PTPRM: variants seen among roughly 807,000 people sequenced by gnomAD.
PTPRM encodes the protein protein tyrosine phosphatase receptor type M.
PTPRM carries 47 observed loss-of-function variants against 186.7 expected under a neutral mutation model. That is an observed-to-expected ratio of 0.25 (90% CI 0.20 to 0.32). The LOEUF is 0.32. Ranked by LOEUF, PTPRM falls within the 10% of genes least tolerant of loss-of-function variation. The pLI, the probability that PTPRM is intolerant of heterozygous loss-of-function variation, is 1.00. For missense variants in PTPRM, 1,494 were observed against 1,865.0 expected, an observed-to-expected ratio of 0.80 and a Z score of 3.66; for synonymous variants, 668 against 674.9, an observed-to-expected ratio of 0.99 and a Z score of 0.16.
At chr18:8,183,529 TG>T (rs1206620374) in intron 14 of PTPRM, among the ~76,000 whole-genome samples, 1 of 152,226 alleles carries the variant, frequency 6.6e-6, no homozygotes, top group Admixed American at 6.5e-5. Flanking sequence ...CTCCTTTCTT[TG>T]CCCTTCTCCT....
chr18:8,081,838 T>C (rs1164422512), intron 9 of PTPRM, among the ~76,000 whole-genome samples: 1 of 152,128 alleles, frequency 6.6e-6, no homozygotes, highest in Non-Finnish European at 1.5e-5. Context: ...GATCTGTAAT[T>C]TTTAGGAGTG....
At chr18:8,055,688 T>C (rs1283419451) in intron 7 of PTPRM, among the ~76,000 whole-genome samples, 3 of 152,222 alleles carry the variant, frequency 2.0e-5, no homozygotes, top group Non-Finnish European at 2.9e-5. Flanking sequence ...TTTGTTAATC[T>C]TTACTAGTGA....
chr18:8,095,581 C>T (rs1002729600), intron 11 of PTPRM, among the ~76,000 whole-genome samples: 3 of 152,058 alleles, frequency 2.0e-5, no homozygotes, highest in African/African-American at 7.2e-5. Context: ...GGAAGAGCTG[C>T]AGCAGCAATG....
At chr18:7,613,527 G>A (rs1171900754) in intron 1 of PTPRM, among the ~76,000 whole-genome samples, 5 of 152,144 alleles carry the variant, frequency 3.3e-5, no homozygotes, top group African/African-American at 1.2e-4. Context: ...ACAAAAATTA[G>A]CCAGGCATGG....
chr18:8,100,678 A>G (rs2091254012), intron 11 of PTPRM, among the ~76,000 whole-genome samples: 1 of 152,212 alleles, frequency 6.6e-6, no homozygotes, highest in Non-Finnish European at 1.5e-5. Flanking sequence ...CTTCATTTGT[A>G]AAATTCGCAT....
At chr18:8,179,152 A>T (rs192493866) in intron 14 of PTPRM, among the ~76,000 whole-genome samples, 1 of 152,370 alleles carries the variant, frequency 6.6e-6, no homozygotes, top group Admixed American at 6.5e-5. Flanking sequence ...CAGTTTCTCC[A>T]ATTGTGTCCT....
chr18:8,375,445 A>G (rs1011908894), intron 24 of PTPRM, among the ~76,000 whole-genome samples: 2 of 151,982 alleles, frequency 1.3e-5, no homozygotes, highest in Non-Finnish European at 2.9e-5. Context: ...CCCACATTAA[A>G]AAGAGAAACC....
At position 8,285,050 on chromosome 18, in the gene PTPRM, G is replaced by C. The variant is rs1023070817; in HGVS notation, c.2755-11318G>C. Among the ~76,000 whole-genome samples the C allele has an allele frequency of 1.2e-4, 19 of 152,102 alleles. 1 individual carries two copies. The highest frequency in any genetic ancestry group is 1.2e-3 in the Admixed American group (19 of 15,258). The stretch of plus-strand genomic sequence containing the variant: ...CTTCCCTTGTGGAGTTTATAGTCTG[G>C]GGAGGACAGAGATGTTTGTGACTCT... On this transcript the variant is annotated intron_variant, in intron 19 of 32. Transcript: ENST00000580170.
intron 1 of PTPRM, among the ~76,000 whole-genome samples, chr18:7,613,950 C>A (rs1009152695): frequency 6.6e-6 from 1 of 152,132 alleles, no homozygotes; most frequent in Non-Finnish European, 1.5e-5. Flanking sequence ...TATAGTCTTA[C>A]TGGGCTGCTA....
At chr18:7,972,435 C>A (rs2147316076) in intron 7 of PTPRM, among the ~76,000 whole-genome samples, 2 of 82,968 alleles carry the variant, frequency 2.4e-5, no homozygotes, top group South Asian at 4.6e-4. Context: ...ACAATGTGCA[C>A]ATGTACCCTA....
chr18:8,300,810 T>G (rs2095148867), intron 20 of PTPRM, among the ~76,000 whole-genome samples: 1 of 152,208 alleles, frequency 6.6e-6, no homozygotes, highest in African/African-American at 2.4e-5. Flanking sequence ...AAGAGACTTC[T>G]CTGTCCAGCC....
chr18:8,322,915 G>T (rs1291839687), intron 22 of PTPRM, among the ~76,000 whole-genome samples: 2 of 152,072 alleles, frequency 1.3e-5, no homozygotes, highest in African/African-American at 4.8e-5. Context: ...GAACTCCTGG[G>T]CTCATGTAAT....
intron 7 of PTPRM, among the ~76,000 whole-genome samples, chr18:7,978,324 G>A (rs894260688): frequency 1.3e-5 from 2 of 151,972 alleles, no homozygotes; most frequent in African/African-American, 4.8e-5. Flanking sequence ...ATCTGCCAGG[G>A]TCATTTAGCT....
intron 19 of PTPRM, among the ~76,000 whole-genome samples, chr18:8,287,923 T>G (rs1181352364): frequency 1.3e-5 from 2 of 152,144 alleles, no homozygotes; most frequent in Non-Finnish European, 2.9e-5. Flanking sequence ...ACATCACTAT[T>G]TTGACACCCC....
At chr18:8,292,800 T>A (rs1439870503) in intron 19 of PTPRM, among the ~76,000 whole-genome samples, 1 of 152,216 alleles carries the variant, frequency 6.6e-6, no homozygotes, top group Admixed American at 6.5e-5. Flanking sequence ...GTGACATTTT[T>A]AATATTCTTT....
intron 2 of PTPRM, among the ~76,000 whole-genome samples, chr18:7,846,445 T>G (rs1007259806): frequency 6.6e-6 from 1 of 152,254 alleles, no homozygotes; most frequent in Non-Finnish European, 1.5e-5. Flanking sequence ...GAGTAAGAAC[T>G]GTTTTTCTCT....
chr18:7,653,766 T>C (rs1390853949), intron 1 of PTPRM, among the ~76,000 whole-genome samples: 1 of 152,226 alleles, frequency 6.6e-6, no homozygotes, highest in Non-Finnish European at 1.5e-5. Flanking sequence ...TGAATAGTGC[T>C]GCAGTGAACA....
chr18:8,303,523 G>A (rs1243562844), intron 20 of PTPRM, among the ~76,000 whole-genome samples: 1 of 152,174 alleles, frequency 6.6e-6, no homozygotes, highest in Non-Finnish European at 1.5e-5. Context: ...AGAATGGCCT[G>A]GCAGAGCGAG....
intron 2 of PTPRM, among the ~76,000 whole-genome samples, chr18:7,855,476 AG>A (rs2047053402): frequency 6.6e-6 from 1 of 152,236 alleles, no homozygotes; most frequent in Non-Finnish European, 1.5e-5. Context: ...TACACAAAGA[AG>A]GAAGAAGAAA....
Sources: allele counts gnomAD v4.1 joint callset (sites outside exome capture counted in the v4.1 genomes callset), GRCh38; gene constraint gnomAD v4.1.1; transcripts MANE v1.5; gene names NCBI Gene and HGNC (gene_info 2026-07-23, HGNC 2026-07-21).